The following TNS1 variants were observed in gnomAD, a reference collection of about 807,000 sequenced individuals.
The protein encoded by TNS1 is tensin-1.
TNS1 carries 62 observed loss-of-function variants against 168.6 expected under a neutral mutation model. That is an observed-to-expected ratio of 0.37 (90% CI 0.30 to 0.45). The LOEUF (loss-of-function observed/expected upper bound fraction) is 0.45. Ranked by LOEUF, TNS1 falls within the 20% of genes least tolerant of loss-of-function variation. TNS1 has a pLI of 1.00. For synonymous variants in TNS1, 934 were observed against 933.2 expected (o/e 1.00, Z -0.02); for missense variants, 2,240 against 2,339.4 (o/e 0.96, Z 0.88).
intron 19 of TNS1, among the ~76,000 whole-genome samples, chr2:217,846,450 C>A (rs552849074): frequency 5.9e-4 from 90 of 152,202 alleles, no homozygotes; most frequent in East Asian, 2.3e-3. Flanking sequence ...ACTCAGCTTC[C>A]CCTAAATTTA....
chr2:217,884,186 G>A (rs1425975683), intron 16 of TNS1, among the ~76,000 whole-genome samples: 2 of 152,016 alleles, frequency 1.3e-5, no homozygotes, highest in Non-Finnish European at 2.9e-5. Context: ...TAGATGGATG[G>A]GTGGGCAGAT....
At chr2:217,806,491 G>A (rs1257260314) in intron 32 of TNS1, among the ~76,000 whole-genome samples, 8 of 152,194 alleles carry the variant, frequency 5.3e-5, no homozygotes, top group African/African-American at 1.9e-4. Flanking sequence ...GAGGAAAAGA[G>A]GGATTTCCAG....
At chr2:217,966,322 T>C (rs1343152908) in intron 3 of TNS1, among the ~76,000 whole-genome samples, 5 of 145,232 alleles carry the variant, frequency 3.4e-5, no homozygotes, top group South Asian at 2.4e-4. Flanking sequence ...CGCGCGCGCG[T>C]GTGTAAGGAG....
chr2:217,865,470 G>A (rs992302047), intron 18 of TNS1, among the ~76,000 whole-genome samples: 1 of 152,242 alleles, frequency 6.6e-6, no homozygotes, highest in South Asian at 2.1e-4. Context: ...AAGAAGGAGA[G>A]AGCTGAGAAG....
chr2:217,848,163 GGCTGCTGCTGCTGCT>G lies in TNS1; in HGVS notation c.2339_2353del (p.Gln780_Gln784del), dbSNP rs3839056. The G allele has an allele frequency of 8.7e-6, 13 of 1,502,148 alleles. 1 individual carries two copies. The African/African-American group carries it at 1.4e-4, about 16-fold the overall frequency. 93.1% of individuals were successfully genotyped at this position (1,502,148 alleles called of 1,614,324 possible). A position where few individuals can be genotyped will look rare whatever the true frequency, so the allele number is the denominator to read the frequency against. On this transcript the variant is annotated inframe_deletion, in exon 19 of 33. Coordinates refer to ENST00000682258, the MANE Select transcript of TNS1 (RefSeq NM_001387777.1). ...TTCCTGCTGGCGTGGAGGTGGGCGA[GGCTGCTGCTGCTGCT>G]GCTGCTGCTGCTGCCACGAATTCAG...
intron 18 of TNS1, among the ~76,000 whole-genome samples, chr2:217,851,620 C>T (rs1947510134): frequency 1.3e-5 from 2 of 152,146 alleles, no homozygotes; most frequent in Admixed American, 1.3e-4. Context: ...GGGCCCAGGG[C>T]CCAGGGCTGG....
intron 12 of TNS1, among the ~76,000 whole-genome samples, chr2:217,886,987 C>T (rs1347478636): frequency 1.3e-5 from 2 of 152,126 alleles, no homozygotes; most frequent in Non-Finnish European, 2.9e-5. Flanking sequence ...ATTTCCACCC[C>T]ACATCCCTGA....
chr2:217,818,848 T>C (rs1942368095), intron 23 of TNS1, 89 bp from the exon 24 acceptor site: 3 of 1,065,140 alleles, frequency 2.8e-6, no homozygotes, highest in Admixed American at 2.2e-5. Flanking sequence ...CCTCCAACCA[T>C]GAACAACAGT....
chr2:217,854,063 C>T (rs1288899248), intron 18 of TNS1, among the ~76,000 whole-genome samples: 2 of 152,200 alleles, frequency 1.3e-5, no homozygotes, highest in Non-Finnish European at 2.9e-5. Context: ...GGACCCTATC[C>T]CCAGGGACTT....
chr2:217,999,178 A>G (rs1281082335), intron 1 of TNS1, among the ~76,000 whole-genome samples: 1 of 152,152 alleles, frequency 6.6e-6, no homozygotes, highest in African/African-American at 2.4e-5. Flanking sequence ...TCCTGCCCCA[A>G]AGCATTCCCA....
chr2:217,833,727 G>C (rs774523115), intron 21 of TNS1, among the ~76,000 whole-genome samples: 1 of 152,226 alleles, frequency 6.6e-6, no homozygotes, highest in Non-Finnish European at 1.5e-5. Context: ...GCCGTTGCAG[G>C]GTGACCAGTG....
intron 18 of TNS1, among the ~76,000 whole-genome samples, chr2:217,879,057 G>A (rs992123064): frequency 2.0e-5 from 3 of 152,134 alleles, no homozygotes; most frequent in Admixed American, 6.5e-5. Flanking sequence ...GCCCTCTGCC[G>A]AGAGGGGGAG....
chr2:217,815,537 G>C lies in TNS1; in HGVS notation c.4643-539C>G, dbSNP rs1037162112. Among the ~76,000 whole-genome samples, 3 of 152,226 alleles carry C rather than the reference G, an allele frequency of 2.0e-5. No homozygotes were observed. In the East Asian group the frequency reaches 5.8e-4, roughly 29 times the overall value. ...TGCGAACACAGTGGAAGGGACCTTC[G>C]GCCTCCTCATCCATCCCCTATCCCC... On this transcript the variant is annotated intron_variant, in intron 24 of 32. Transcript: ENST00000682258.
At chr2:217,894,246 G>A (rs954527806) in intron 9 of TNS1, among the ~76,000 whole-genome samples, 3 of 152,164 alleles carry the variant, frequency 2.0e-5, no homozygotes, top group African/African-American at 7.2e-5. Flanking sequence ...GCACACTGAG[G>A]CCCAGAGAAG....
chr2:217,895,280 G>A (rs142299796), intron 8 of TNS1, among the ~76,000 whole-genome samples: 18 of 152,248 alleles, frequency 1.2e-4, no homozygotes, highest in East Asian at 9.7e-4. Flanking sequence ...GCCTGCTCTC[G>A]CTCTCTCTCC....
chr2:218,032,786 G>C lies in TNS1; in HGVS notation c.156+1034C>G, dbSNP rs1371297519. Among the ~76,000 whole-genome samples the C allele has an allele frequency of 6.6e-6, 1 of 152,166 alleles. No individual in the cohort carries two copies. The highest frequency in any genetic ancestry group is 1.5e-5 in the Non-Finnish European group (1 of 68,016). ...GGGCACAGCAGCTGGGATGGAGCTT[G>C]ATCCCCACAGACAGAGGAGGGAGGG... On this transcript the variant is annotated intron_variant, in intron 1 of 1. Transcript: ENST00000649572. This position sits in a 1 kb window ranked among gnomAD's most constrained non-coding sequence, Gnocchi z 4.0.
intron 18 of TNS1, among the ~76,000 whole-genome samples, chr2:217,876,135 G>A (rs549905564): frequency 6.6e-6 from 1 of 152,282 alleles, no homozygotes; most frequent in Non-Finnish European, 1.5e-5. Flanking sequence ...ACAGAAAGGT[G>A]GGGGGTGGAT....
At position 217,804,230 on chromosome 2, in the gene TNS1, G is replaced by A. The variant is rs1049131966; in HGVS notation, c.*229C>T. ...TTTTTGCAGTTTCCATCTACCCAGGGGAATCCAAGTTCTTCTCCTCCATCT... is the reference window on the plus strand; with the variant it reads ...TTTTTGCAGTTTCCATCTACCCAGGAGAATCCAAGTTCTTCTCCTCCATCT... On this transcript the variant is annotated 3_prime_UTR_variant, in exon 33 of 33. Transcript: ENST00000682258. 9.0e-6 allele frequency: 5 copies of A among 556,164 alleles called. No individual in the cohort carries two copies. In the East Asian group the frequency reaches 1.6e-4, roughly 18 times the overall value. The allele number at this position is 556,164 out of a possible 1,614,324, so 34.5% of individuals were successfully genotyped here.
intron 3 of TNS1, among the ~76,000 whole-genome samples, chr2:217,947,676 G>C (rs1957144308): frequency 6.6e-6 from 1 of 152,198 alleles, no homozygotes; most frequent in Non-Finnish European, 1.5e-5. Context: ...AAAGGACACA[G>C]AGAAGCAGAG....
Sources: allele counts gnomAD v4.1 joint callset (sites outside exome capture counted in the v4.1 genomes callset), GRCh38; gene constraint gnomAD v4.1.1; non-coding constraint Gnocchi (gnomAD v3.1); transcripts MANE v1.5; gene names NCBI Gene and HGNC (gene_info 2026-07-23, HGNC 2026-07-21).